The following GABRB1 variants were observed in gnomAD, a reference collection of about 807,000 sequenced individuals.
GABRB1 encodes the protein gamma-aminobutyric acid type A receptor subunit beta1.
In GABRB1, 17 loss-of-function variants were observed where a neutral mutation model predicts 51.6. The observed-to-expected ratio is 0.33, with a 90% CI of 0.23 to 0.49. The LOEUF (loss-of-function observed/expected upper bound fraction) is 0.49, where lower values mean the gene tolerates loss of function less well. Among genes scored for constraint, GABRB1 ranks in the 20% least tolerant of loss-of-function variants. The pLI is 0.99. For missense variants in GABRB1, 410 were observed against 600.6 expected, an observed-to-expected ratio of 0.68 and a Z score of 3.32; for synonymous variants, 247 against 218.9, an observed-to-expected ratio of 1.13 and a Z score of -1.14.
intron 3 of GABRB1, among the ~76,000 whole-genome samples, chr4:47,062,498 A>G (rs986938125): frequency 4.0e-4 from 61 of 151,692 alleles, no homozygotes; most frequent in Admixed American, 7.9e-4. Flanking sequence ...AAAACAGATT[A>G]GGCAATTTAT....
At chr4:47,021,033 T>C (rs1004932723) in intron 1 of GABRB1, among the ~76,000 whole-genome samples, 11 of 152,220 alleles carry the variant, frequency 7.2e-5, no homozygotes, top group Non-Finnish European at 1.5e-4. Context: ...CATTGCTAAC[T>C]GCAGTTCTTT....
intron 4 of GABRB1, among the ~76,000 whole-genome samples, chr4:47,236,794 T>G (rs1462356018): frequency 6.6e-6 from 1 of 152,122 alleles, no homozygotes; most frequent in African/African-American, 2.4e-5. Context: ...GTTCTTAAGC[T>G]CTCCATTTAA....
intron 4 of GABRB1, among the ~76,000 whole-genome samples, chr4:47,164,869 A>G (rs1477407838): frequency 1.3e-5 from 2 of 152,098 alleles, no homozygotes; most frequent in African/African-American, 4.8e-5. Flanking sequence ...CTACTATGCA[A>G]CAGATATTCG....
At chr4:47,061,706 C>T (rs143103572) in intron 3 of GABRB1, among the ~76,000 whole-genome samples, 8 of 152,268 alleles carry the variant, frequency 5.3e-5, no homozygotes, top group Admixed American at 3.9e-4. Context: ...TGCAAGCAAA[C>T]GTCTCGTCTT....
intron 5 of GABRB1, among the ~76,000 whole-genome samples, chr4:47,353,458 C>A (rs566983618): frequency 6.6e-6 from 1 of 152,228 alleles, no homozygotes; most frequent in East Asian, 1.9e-4. Flanking sequence ...TTAATAAATG[C>A]TTTTGCAAAT....
At chr4:47,370,892 T>A in intron 5 of GABRB1, among the ~76,000 whole-genome samples, 1 of 151,736 alleles carries the variant, frequency 6.6e-6, no homozygotes, top group East Asian at 1.9e-4. Flanking sequence ...ATTGCCACTC[T>A]GTGTGAAGCA....
At chr4:47,205,113 T>G (rs1431859796) in intron 4 of GABRB1, among the ~76,000 whole-genome samples, 3 of 152,146 alleles carry the variant, frequency 2.0e-5, no homozygotes, top group African/African-American at 7.2e-5. Context: ...TGTTGGCATA[T>G]GAAATCCATG....
At chr4:47,098,671 A>T (rs1189063505) in intron 3 of GABRB1, among the ~76,000 whole-genome samples, 1 of 152,122 alleles carries the variant, frequency 6.6e-6, no homozygotes, top group Non-Finnish European at 1.5e-5. Flanking sequence ...GTAAAAATTG[A>T]TATTCACTAT....
intron 4 of GABRB1, among the ~76,000 whole-genome samples, chr4:47,280,528 T>C (rs1445961379): frequency 6.6e-6 from 1 of 151,130 alleles, no homozygotes; most frequent in Non-Finnish European, 1.5e-5. Flanking sequence ...ATCTTTTCTT[T>C]CACCTTCAAG....
Position 47,406,916 on chromosome 4 carries a change from A to G in GABRB1, c.1070A>G (p.Asn357Ser), listed in dbSNP as rs1476010061. Residue 357 changes from asparagine (N) to serine (S), a missense_variant, in exon 8 of 9, where the codon AAT becomes AGT. Transcript: ENST00000295454. ...AATGAGAAGAATAAACTGGAGATGA[A>G]TAAAGTCCAGGTAAGATATTAAATA... ...SANEKNKLEM[N>S]KVQVDAHGNI... 3.7e-6 allele frequency: 6 copies of G among 1,613,698 alleles called. No homozygotes were observed. Among genetic ancestry groups the G allele is most frequent in the Non-Finnish European group, 5.1e-6 (6 of 1,179,902 alleles).
At position 47,260,548 on chromosome 4, in the gene GABRB1, A is replaced by C. The variant is rs373572184; in HGVS notation, c.462-59579A>C. ...TGGTGACAAAATCTCTCAGCATTTGATTGTCTGTAAAGTATTTTATTTCTC... is the reference window on the plus strand; with the variant it reads ...TGGTGACAAAATCTCTCAGCATTTGCTTGTCTGTAAAGTATTTTATTTCTC... On this transcript the variant is annotated intron_variant, in intron 4 of 8. Transcript: ENST00000295454. Among the ~76,000 whole-genome samples, 107 of 152,014 alleles carry C rather than the reference A, an allele frequency of 7.0e-4. 2 individuals carry two copies. The East Asian group carries it at 7.7e-3, about 11-fold the overall frequency.
chr4:47,325,899 G>T (rs1725241646), intron 5 of GABRB1, among the ~76,000 whole-genome samples: 1 of 152,142 alleles, frequency 6.6e-6, no homozygotes, highest in African/African-American at 2.4e-5. Context: ...CCAATATAAT[G>T]ATATTAAGAA....
chr4:47,239,459 G>A (rs1353565056), intron 4 of GABRB1, among the ~76,000 whole-genome samples: 1 of 152,120 alleles, frequency 6.6e-6, no homozygotes, highest in Non-Finnish European at 1.5e-5. Flanking sequence ...TAGCTTTAGT[G>A]GATACTGGCA....
At chr4:47,236,768 G>A (rs775946308) in intron 4 of GABRB1, among the ~76,000 whole-genome samples, 3 of 152,120 alleles carry the variant, frequency 2.0e-5, no homozygotes, top group Non-Finnish European at 2.9e-5. Context: ...AGTGATCACT[G>A]TTTGCTTTCT....
intron 3 of GABRB1, among the ~76,000 whole-genome samples, chr4:47,064,166 C>T (rs994810119): frequency 2.0e-5 from 3 of 152,172 alleles, no homozygotes; most frequent in Non-Finnish European, 4.4e-5. Flanking sequence ...GCTTGAGCTT[C>T]TTTAGTTTCA....
chr4:47,308,552 A>T (rs1287588153), intron 4 of GABRB1, among the ~76,000 whole-genome samples: 3 of 152,002 alleles, frequency 2.0e-5, no homozygotes, highest in African/African-American at 7.2e-5. Context: ...CTTGAATTTT[A>T]CTTTACTCCT....
intron 4 of GABRB1, among the ~76,000 whole-genome samples, chr4:47,222,931 ATTG>A (rs921832826): frequency 1.3e-5 from 2 of 152,088 alleles, no homozygotes; most frequent in Non-Finnish European, 2.9e-5. Context: ...TTGTATTATA[ATTG>A]TTTCTTCTAG....
At chr4:47,000,368 C>T (rs1222941277) in intron 1 of GABRB1, among the ~76,000 whole-genome samples, 2 of 152,196 alleles carry the variant, frequency 1.3e-5, no homozygotes, top group Admixed American at 1.3e-4. Context: ...ATACCTCAAG[C>T]AAATATTGCA....
intron 5 of GABRB1, among the ~76,000 whole-genome samples, chr4:47,389,293 C>G (rs1484689160): frequency 1.3e-5 from 2 of 152,148 alleles, no homozygotes; most frequent in Non-Finnish European, 2.9e-5. Context: ...AAACTGTCTT[C>G]CCTTTTATGG....
Sources: allele counts gnomAD v4.1 joint callset (sites outside exome capture counted in the v4.1 genomes callset), GRCh38; gene constraint gnomAD v4.1.1; transcripts MANE v1.5; gene names NCBI Gene and HGNC (gene_info 2026-07-23, HGNC 2026-07-21).